NDST4: variants seen among roughly 807,000 people sequenced by gnomAD.
NDST4 encodes the protein N-deacetylase and N-sulfotransferase 4, also known as N-heparan sulfate sulfotransferase 4.
A neutral mutation model predicts 100.8 loss-of-function variants in NDST4; 63 were observed. The ratio of observed to expected loss-of-function variants is 0.62; its 90% CI spans 0.51 to 0.77. The LOEUF is 0.77. Among genes scored for constraint, NDST4 ranks in the 30% least tolerant of loss-of-function variants. NDST4 has a pLI of 0.00. For synonymous variants in NDST4, 377 were observed against 361.8 expected, an observed-to-expected ratio of 1.04 and a Z score of -0.48; for missense variants, 943 against 1,018.4, an observed-to-expected ratio of 0.93 and a Z score of 1.01.
intron 6 of NDST4, among the ~76,000 whole-genome samples, chr4:114,929,070 GTCCGTCCA>G (rs1201293331): frequency 0.019 from 1,768 of 92,648 alleles, 14 homozygotes; most frequent in Non-Finnish European, 0.028. Context: ...CCGTCCGTCC[GTCCGTCCA>G]TCCATCCATC....
At position 114,831,619 on chromosome 4, in the gene NDST4, G is replaced by A. The variant is rs1001072505; in HGVS notation, c.2397-1727C>T. ...TCAGGTAATGCCGAGGTCTCAGGAT[G>A]GGCTGTGGTCTCTCCTTGTTATCCA... On this transcript the variant is annotated intron_variant, in intron 12 of 13. Coordinates refer to ENST00000264363, the MANE Select transcript of NDST4 (RefSeq NM_022569.3). Among the ~76,000 whole-genome samples, 10 of 152,270 alleles carry A rather than the reference G, an allele frequency of 6.6e-5. No individual in the cohort carries two copies. In the South Asian group the frequency reaches 1.0e-3, roughly 16 times the overall value.
chr4:115,014,598 C>A (rs80167179), intron 2 of NDST4, among the ~76,000 whole-genome samples: 5,431 of 152,094 alleles, frequency 0.036, 331 homozygotes, highest in African/African-American at 0.12. Flanking sequence ...AAAGGCTCTG[C>A]AGTAAGTCCA....
intron 6 of NDST4, among the ~76,000 whole-genome samples, chr4:114,928,641 G>T (rs1294416644): frequency 6.6e-6 from 1 of 152,084 alleles, no homozygotes; most frequent in Non-Finnish European, 1.5e-5. Flanking sequence ...AGGGTGTTTT[G>T]GGATGAGAAT....
chr4:114,941,339 C>T (rs1351544126), intron 4 of NDST4, among the ~76,000 whole-genome samples: 3 of 152,032 alleles, frequency 2.0e-5, no homozygotes, highest in South Asian at 4.2e-4. Flanking sequence ...GTGACCCCTC[C>T]CCTCCCCTCC....
intron 1 of NDST4, among the ~76,000 whole-genome samples, chr4:115,111,469 A>G (rs1729950467): frequency 6.6e-6 from 1 of 151,590 alleles, no homozygotes; most frequent in South Asian, 2.1e-4. Context: ...GTCCCCATAT[A>G]CTTCCTTTTG....
chr4:115,107,725 C>G (rs1729859203), intron 1 of NDST4, among the ~76,000 whole-genome samples: 1 of 151,914 alleles, frequency 6.6e-6, no homozygotes, highest in Non-Finnish European at 1.5e-5. Context: ...ATTTTGTTCA[C>G]CCTAGTAACT....
intron 7 of NDST4, among the ~76,000 whole-genome samples, chr4:114,861,068 G>A (rs1331382309): frequency 6.6e-6 from 1 of 152,152 alleles, no homozygotes; most frequent in Non-Finnish European, 1.5e-5. Context: ...CAGTTATACT[G>A]TATTCACTAC....
chr4:114,842,423 A>G (rs1723444532), intron 10 of NDST4, among the ~76,000 whole-genome samples: 2 of 151,802 alleles, frequency 1.3e-5, no homozygotes, highest in African/African-American at 2.4e-5. Context: ...GGGATTCTCA[A>G]ACATAGGCCT....
chr4:114,904,411 T>A (rs1451988362), intron 6 of NDST4, among the ~76,000 whole-genome samples: 1 of 151,954 alleles, frequency 6.6e-6, no homozygotes, highest in Non-Finnish European at 1.5e-5. Flanking sequence ...TTATTAGTAA[T>A]GTAATTGATA....
rs369647677 is a variant in NDST4, at chr4:114,894,555, T to C, written c.1537-23605A>G. 3.3e-5 allele frequency among the ~76,000 whole-genome samples: 5 copies of C among 152,318 alleles called. No individual in the cohort carries two copies. The South Asian group carries it at 8.3e-4, about 25-fold the overall frequency. On this transcript the variant is annotated intron_variant, in intron 6 of 13. Transcript: ENST00000264363. ...GCTCTCTGTTTGCCTATTGTTGCTG[T>C]AAAGGAATGCTTGTGATTTTTTGCA... is the stretch of plus-strand genomic sequence containing the variant.
At chr4:114,994,848 T>G (rs1383755510) in intron 2 of NDST4, among the ~76,000 whole-genome samples, 1 of 152,012 alleles carries the variant, frequency 6.6e-6, no homozygotes, top group African/African-American at 2.4e-5. Context: ...CTATTTATGA[T>G]TAACTAACCA....
chr4:114,985,218 G>A lies in NDST4; in HGVS notation c.979-7944C>T, dbSNP rs906407813. On this transcript the variant is annotated intron_variant, in intron 2 of 13. Coordinates refer to ENST00000264363, the MANE Select transcript of NDST4 (RefSeq NM_022569.3). ...AACCTAGTGAGCCAAAGAACACCTT[G>A]ACATTTCAGAGCAATTTTTCCTTTC... Among the ~76,000 whole-genome samples the A allele has an allele frequency of 3.3e-5, 5 of 152,060 alleles. No individual in the cohort carries two copies. The South Asian group carries it at 1.0e-3, about 32-fold the overall frequency.
At position 114,855,352 on chromosome 4, in the gene NDST4, C is replaced by A. The variant is rs145932753; in HGVS notation, c.1720-2531G>T. ...ATTGCTTAAGAAATCTTTGCCCAGACTAAATGTCTTGGGGAGTTTCTCCAA... is the reference window on the plus strand; with the variant it reads ...ATTGCTTAAGAAATCTTTGCCCAGAATAAATGTCTTGGGGAGTTTCTCCAA... On this transcript the variant is annotated intron_variant, in intron 7 of 13. Coordinates refer to ENST00000264363, the MANE Select transcript of NDST4 (RefSeq NM_022569.3). Among the ~76,000 whole-genome samples the A allele has an allele frequency of 1.1e-3, 165 of 152,262 alleles. 1 individual carries two copies. The highest frequency in any genetic ancestry group is 3.8e-3 in the African/African-American group (160 of 41,564).
chr4:114,869,054 C>G (rs918227989), intron 7 of NDST4, among the ~76,000 whole-genome samples: 8 of 150,740 alleles, frequency 5.3e-5, no homozygotes, highest in Admixed American at 4.6e-4. Context: ...CCTAATCCAC[C>G]AGCACTGTAT....
At chr4:115,063,841 T>A (rs1728875082) in intron 2 of NDST4, among the ~76,000 whole-genome samples, 1 of 134,700 alleles carries the variant, frequency 7.4e-6, no homozygotes, top group African/African-American at 3.6e-5. Flanking sequence ...TCTTAATACT[T>A]TTTTTTTTTA....
intron 7 of NDST4, among the ~76,000 whole-genome samples, chr4:114,865,071 C>CT (rs11433054): frequency 0.16 from 22,757 of 146,146 alleles, 3,157 homozygotes; most frequent in African/African-American, 0.37. Context: ...ATTTTTTTTT[C>CT]TTTTTTTTTT....
At chr4:114,867,149 G>A (rs888525584) in intron 7 of NDST4, among the ~76,000 whole-genome samples, 48 of 152,212 alleles carry the variant, frequency 3.2e-4, no homozygotes, top group African/African-American at 1.2e-3. Context: ...TGAGCTAGAT[G>A]TCCCTAATTT....
intron 2 of NDST4, among the ~76,000 whole-genome samples, chr4:114,992,463 G>A (rs185034389): frequency 2.0e-4 from 30 of 151,226 alleles, no homozygotes; most frequent in Non-Finnish European, 3.2e-4. Flanking sequence ...TTAAAGTTCC[G>A]AATTTACATT....
At chr4:114,863,049 C>G (rs879783634) in intron 7 of NDST4, among the ~76,000 whole-genome samples, 5 of 152,086 alleles carry the variant, frequency 3.3e-5, no homozygotes, top group Admixed American at 2.6e-4. Flanking sequence ...TTAATCAAAA[C>G]TTTATTAACG....
Sources: allele counts gnomAD v4.1 joint callset (sites outside exome capture counted in the v4.1 genomes callset), GRCh38; gene constraint gnomAD v4.1.1; transcripts MANE v1.5; gene names NCBI Gene and HGNC (gene_info 2026-07-23, HGNC 2026-07-21).